The following STYX variants were observed in gnomAD, a reference collection of about 807,000 sequenced individuals.
The protein encoded by STYX is serine/threonine/tyrosine-interacting protein.
A neutral mutation model predicts 42.7 loss-of-function variants in STYX; 20 were observed. That is an observed-to-expected ratio of 0.47 (90% CI 0.33 to 0.68). STYX has a LOEUF of 0.68. STYX is among the 30% of genes least tolerant of loss of function. The pLI, the probability that STYX is intolerant of heterozygous loss-of-function variation, is 0.02. For missense variants in STYX, 226 were observed against 268.5 expected, an observed-to-expected ratio of 0.84 and a Z score of 1.11; for synonymous variants, 78 against 81.9, an observed-to-expected ratio of 0.95 and a Z score of 0.26.
intron 1 of STYX, among the ~76,000 whole-genome samples, chr14:52,738,172 A>G (rs1488862018): frequency 2.6e-5 from 4 of 152,188 alleles, no homozygotes; most frequent in Non-Finnish European, 4.4e-5. Context: ...TAACACCAGG[A>G]ATAGTTCCAA....
At chr14:52,757,475 C>G in intron 6 of STYX, 120 bp downstream of exon 6, 1 of 947,952 alleles carries the variant, frequency 1.1e-6, no homozygotes, top group East Asian at 2.6e-5. Flanking sequence ...TAGCTTACTC[C>G]CAAATTTGTA....
intron 4 of STYX, among the ~76,000 whole-genome samples, chr14:52,752,085 A>G (rs549294006): frequency 4.0e-5 from 6 of 149,170 alleles, no homozygotes; most frequent in African/African-American, 1.5e-4. Flanking sequence ...GCTTGAACCC[A>G]GAAGGCAGAG....
intron 9 of STYX, among the ~76,000 whole-genome samples, chr14:52,763,319 G>C (rs1028171689): frequency 5.3e-5 from 8 of 151,874 alleles, no homozygotes; most frequent in Non-Finnish European, 8.8e-5. Context: ...ATATCTTTTG[G>C]TTCTATTATT....
At chr14:52,756,763 C>G in intron 5 of STYX, 152 bp downstream of exon 5, 3 of 443,590 alleles carry the variant, frequency 6.8e-6, no homozygotes, top group Non-Finnish European at 7.9e-6. Context: ...TCTTGGCTCA[C>G]CACAACCTCT....
At chr14:52,757,454 ATT>A in intron 6 of STYX, 99 bp downstream of exon 6, 3 of 1,144,550 alleles carry the variant, frequency 2.6e-6, no homozygotes, top group Non-Finnish European at 3.8e-6. Context: ...GGAAGTTACA[ATT>A]ATATGTAGTA....
chr14:52,739,613 T>C (rs895170431), intron 1 of STYX, among the ~76,000 whole-genome samples: 4 of 151,022 alleles, frequency 2.6e-5, no homozygotes, highest in African/African-American at 7.3e-5. Context: ...TTAAAAACTG[T>C]TTTCTTTTTC....
chr14:52,755,024 C>T (rs537810059), intron 4 of STYX, among the ~76,000 whole-genome samples: 57 of 152,010 alleles, frequency 3.7e-4, no homozygotes, highest in African/African-American at 1.3e-3. Flanking sequence ...CCAGTCACTT[C>T]AGGATACAGT....
intron 1 of STYX, among the ~76,000 whole-genome samples, chr14:52,735,547 TAGG>T (rs367653457): frequency 4.8e-3 from 738 of 152,312 alleles, no homozygotes; most frequent in Non-Finnish European, 8.5e-3. Context: ...AACTATTAAA[TAGG>T]AGCATATAGT....
intron 10 of STYX, among the ~76,000 whole-genome samples, chr14:52,770,188 C>T (rs995225639): frequency 2.0e-5 from 3 of 152,094 alleles, no homozygotes; most frequent in Admixed American, 1.3e-4. Flanking sequence ...TGGGTTTAGC[C>T]TGAGGGCTAG....
intron 1 of STYX, among the ~76,000 whole-genome samples, chr14:52,744,183 T>C: frequency 6.6e-6 from 1 of 152,224 alleles, no homozygotes; most frequent in East Asian, 1.9e-4. Flanking sequence ...AGTTTTAAAA[T>C]ATTTTTTATC....
rs533781502 is a variant in STYX at position 52,748,077 on chromosome 14, G to C, written c.144+1598G>C. On this transcript the variant is annotated intron_variant, in intron 3 of 10. Coordinates refer to ENST00000354586, the MANE Select transcript of STYX (RefSeq NM_145251.4). ...ATGTCACCATGGTCTTATTAGACAG[G>C]AAAAGCCTCTGTGGCAGTTTATTTC... 2.0e-4 allele frequency among the ~76,000 whole-genome samples: 31 copies of C among 152,280 alleles called. No individual in the cohort carries two copies. In the South Asian group the frequency reaches 6.2e-3, roughly 31 times the overall value.
intron 9 of STYX, among the ~76,000 whole-genome samples, chr14:52,767,182 A>G (rs968531291): frequency 2.0e-5 from 3 of 152,228 alleles, no homozygotes; most frequent in African/African-American, 4.8e-5. Flanking sequence ...GGGGAAAAGC[A>G]TTTGAGGTAG....
In STYX at chr14:52,750,712, C is replaced by A. The variant is rs1881578332; in HGVS notation, c.174C>A (p.Thr58=). 2.5e-6 allele frequency: 4 copies of A among 1,587,378 alleles called. No individual in the cohort carries two copies. Among genetic ancestry groups the A allele is most frequent in the African/African-American group, 1.4e-5 (1 of 73,348 alleles). The part of the protein sequence containing the change: ...KLPVLQKHGI[T]HIICIRQNIE... ...CTGTACTACAGAAACATGGAATAACCCATATAATATGCATACGACAAAATA... is the reference window on the plus strand; with the variant it reads ...CTGTACTACAGAAACATGGAATAACACATATAATATGCATACGACAAAATA... The change falls in exon 4 of 11, where the codon ACC becomes ACA. Residue 58 remains threonine, a synonymous_variant. Transcript: ENST00000354586.
At chr14:52,732,138 C>T (rs1285655253) in intron 1 of STYX, among the ~76,000 whole-genome samples, 1 of 147,336 alleles carries the variant, frequency 6.8e-6, no homozygotes, top group African/African-American at 2.5e-5. Context: ...CTCTTGTTGC[C>T]CCAGGCTGGA....
rs1337935024 is a variant in STYX at position 52,772,709 on chromosome 14, C to G, written c.*1603C>G. 1 of 152,560 alleles carries G rather than the reference C, an allele frequency of 6.6e-6. No individual in the cohort carries two copies. The highest frequency in any genetic ancestry group is 1.5e-5 in the Non-Finnish European group (1 of 68,020). The allele number at this position is 152,560 out of a possible 1,614,324, so 9.5% of individuals were successfully genotyped here. A position where few individuals can be genotyped will look rare whatever the true frequency, so the allele number is the denominator to read the frequency against. ...GATGTGATAATACAGTAAAAGCTTT[C>G]TTACCCAGCATAGTGGGAGAGTGGA... On this transcript the variant is annotated 3_prime_UTR_variant, in exon 11 of 11. Coordinates refer to ENST00000354586, the MANE Select transcript of STYX (RefSeq NM_145251.4).
intron 9 of STYX, among the ~76,000 whole-genome samples, chr14:52,761,036 T>G (rs1319759166): frequency 1.3e-5 from 2 of 152,052 alleles, no homozygotes; most frequent in African/African-American, 4.8e-5. Context: ...ATACATATGT[T>G]TAAGAAGATT....
At chr14:52,769,932 G>T (rs949426745) in intron 10 of STYX, among the ~76,000 whole-genome samples, 1 of 151,992 alleles carries the variant, frequency 6.6e-6, no homozygotes, top group Non-Finnish European at 1.5e-5. Flanking sequence ...ATGCCCTTCT[G>T]ATTTTTTGGT....
chr14:52,759,789 A>G, intron 9 of STYX, 35 bp downstream of exon 9: 1 of 1,386,252 alleles, frequency 7.2e-7, no homozygotes, highest in South Asian at 1.2e-5. Context: ...AATCAGAAGT[A>G]AGATATAAAA....
chr14:52,741,508 G>T (rs966068202), intron 1 of STYX, among the ~76,000 whole-genome samples: 2 of 152,028 alleles, frequency 1.3e-5, no homozygotes, highest in African/African-American at 2.4e-5. Flanking sequence ...TGCAATCTCG[G>T]CTCACTGCAG....
Sources: gnomAD v4.1 joint callset for allele counts (sites outside exome capture counted in the v4.1 genomes callset) on GRCh38, gnomAD v4.1.1 for gene constraint, MANE v1.5 for transcripts, NCBI Gene and HGNC (gene_info 2026-07-23, HGNC 2026-07-21) for gene names.